Variants in PARD3B observed in about 807,000 individuals in gnomAD.
The protein encoded by PARD3B is par-3 family cell polarity regulator beta.
A neutral mutation model predicts 130.2 loss-of-function variants in PARD3B; 103 were observed. The observed-to-expected ratio is 0.79, with a 90% confidence interval of 0.67 to 0.93. The LOEUF (loss-of-function observed/expected upper bound fraction) is 0.93, where lower values mean the gene tolerates loss of function less well. Ranked by LOEUF, PARD3B falls within the 40% of genes least tolerant of loss-of-function variation. PARD3B has a pLI of 0.00. For synonymous variants in PARD3B, 583 were observed against 553.2 expected, an observed-to-expected ratio of 1.05 and a Z score of -0.76; for missense variants, 1,609 against 1,499.2, an observed-to-expected ratio of 1.07 and a Z score of -1.21.
intron 2 of PARD3B, among the ~76,000 whole-genome samples, chr2:204,785,666 C>T (rs17450826): frequency 0.038 from 5,801 of 152,226 alleles, 158 homozygotes; most frequent in African/African-American, 0.07. Flanking sequence ...TTATTTTATC[C>T]CAGTCACTTG....
intron 18 of PARD3B, among the ~76,000 whole-genome samples, chr2:205,355,173 G>C (rs889470564): frequency 1.3e-5 from 2 of 152,126 alleles, no homozygotes; most frequent in Admixed American, 6.5e-5. Context: ...GTCGTGAAAG[G>C]CTTTATCATT....
chr2:205,343,842 C>A (rs563074257), intron 18 of PARD3B, among the ~76,000 whole-genome samples: 68 of 152,152 alleles, frequency 4.5e-4, no homozygotes, highest in African/African-American at 1.4e-3. Context: ...ACCCTCACCC[C>A]CTATGCCTGA....
chr2:204,852,211 T>C (rs1403442908), intron 2 of PARD3B, among the ~76,000 whole-genome samples: 2 of 152,050 alleles, frequency 1.3e-5, no homozygotes, highest in African/African-American at 2.4e-5. Flanking sequence ...TTCTTAATAG[T>C]GTTTTAGGCG....
At chr2:204,571,931 G>A (rs1216850329) in intron 1 of PARD3B, among the ~76,000 whole-genome samples, 7 of 152,136 alleles carry the variant, frequency 4.6e-5, no homozygotes, top group Non-Finnish European at 1.0e-4. Flanking sequence ...TGACTTAAAA[G>A]GTCAATCACA....
chr2:205,158,891 G>C lies in PARD3B; in HGVS notation c.1604G>C (p.Gly535Ala). Residue 535 changes from glycine to alanine, a missense_variant, in exon 11 of 23, where the codon GGA (glycine) becomes GCA (alanine). Transcript: ENST00000406610. The surrounding 1 kb of genome is among the most constrained non-coding windows in gnomAD (Gnocchi z 5.4). ...LGIFIKSIIH[G>A]GAAFKDGRLR... ...ATTTTTATCAAATCCATCATTCATGGAGGCGCTGCTTTTAAGGTGGGTAGG... is the reference window on the plus strand; with the variant it reads ...ATTTTTATCAAATCCATCATTCATGCAGGCGCTGCTTTTAAGGTGGGTAGG... The C allele has an allele frequency of 6.2e-7, 1 of 1,613,892 alleles. No individual in the cohort carries two copies. Among genetic ancestry groups the C allele is most frequent in the Non-Finnish European group, 8.5e-7 (1 of 1,180,008 alleles).
intron 2 of PARD3B, among the ~76,000 whole-genome samples, chr2:204,927,044 A>G (rs1031189610): frequency 6.6e-6 from 1 of 152,104 alleles, no homozygotes; most frequent in African/African-American, 2.4e-5. Context: ...AAATCCAAAG[A>G]TGGGATTAGA....
intron 5 of PARD3B, among the ~76,000 whole-genome samples, chr2:205,113,003 G>A (rs1703749631): frequency 6.6e-6 from 1 of 152,150 alleles, no homozygotes; most frequent in Non-Finnish European, 1.5e-5. Context: ...TGGCTTCACA[G>A]CCATTATAAC....
At chr2:205,559,472 G>A (rs1389291266) in intron 22 of PARD3B, among the ~76,000 whole-genome samples, 1 of 151,982 alleles carries the variant, frequency 6.6e-6, no homozygotes, top group African/African-American at 2.4e-5. Context: ...TATATACAAG[G>A]AAGTTATGGG....
At chr2:205,000,863 C>T (rs959728539) in intron 3 of PARD3B, among the ~76,000 whole-genome samples, 1 of 152,130 alleles carries the variant, frequency 6.6e-6, no homozygotes, top group Non-Finnish European at 1.5e-5. Context: ...CTGAGACATG[C>T]TTTGCATAAC....
At chr2:205,026,746 T>C (rs1697061229) in intron 3 of PARD3B, among the ~76,000 whole-genome samples, 1 of 152,180 alleles carries the variant, frequency 6.6e-6, no homozygotes, top group African/African-American at 2.4e-5. Flanking sequence ...TTAAACTGTT[T>C]TAGATTCTGC....
intron 1 of PARD3B, among the ~76,000 whole-genome samples, chr2:204,601,296 C>T (rs1378557832): frequency 2.6e-5 from 4 of 151,856 alleles, no homozygotes; most frequent in African/African-American, 9.7e-5. Flanking sequence ...AGGTAATTAA[C>T]CTACATGAAT....
At chr2:205,588,083 A>G (rs186132924) in intron 22 of PARD3B, among the ~76,000 whole-genome samples, 26 of 152,314 alleles carry the variant, frequency 1.7e-4, no homozygotes, top group African/African-American at 6.0e-4. Context: ...GAAATATACA[A>G]CTGAGGAGAA....
intron 2 of PARD3B, among the ~76,000 whole-genome samples, chr2:204,877,389 A>C (rs2045885788): frequency 6.6e-6 from 1 of 152,164 alleles, no homozygotes; most frequent in African/African-American, 2.4e-5. Flanking sequence ...TAGAACTTAA[A>C]GTATAATAAA....
chr2:205,557,540 A>G (rs2106510452), intron 22 of PARD3B, among the ~76,000 whole-genome samples: 1 of 152,292 alleles, frequency 6.6e-6, no homozygotes, highest in Non-Finnish European at 1.5e-5. Flanking sequence ...TCAGGCCATG[A>G]TTATAGCCCC....
intron 20 of PARD3B, among the ~76,000 whole-genome samples, chr2:205,465,368 G>A (rs116962218): frequency 2.6e-5 from 4 of 152,118 alleles, no homozygotes; most frequent in East Asian, 3.9e-4. Context: ...AGGAACTGGC[G>A]CGATATTATC....
chr2:205,540,555 T>C lies in PARD3B; in HGVS notation c.3181-12769T>C, dbSNP rs558691036. On this transcript the variant is annotated intron_variant, in intron 21 of 22. Coordinates refer to ENST00000406610, the MANE Select transcript of PARD3B (RefSeq NM_001302769.2). ...GACAGGTTTTTGAGACTGAAAACAA[T>C]GACAAAGCAAATTCTACCCAGGGTT... 2.6e-5 allele frequency among the ~76,000 whole-genome samples: 4 copies of C among 152,300 alleles called. No homozygotes were observed. The South Asian group carries it at 8.3e-4, about 32-fold the overall frequency.
intron 1 of PARD3B, among the ~76,000 whole-genome samples, chr2:204,594,585 T>A (rs994228590): frequency 1.3e-5 from 2 of 152,214 alleles, no homozygotes; most frequent in Non-Finnish European, 2.9e-5. Flanking sequence ...AGCATTCTTA[T>A]TTGGCATCCC....
At chr2:205,174,717 CATTAT>C (rs1307740071) in intron 12 of PARD3B, among the ~76,000 whole-genome samples, 1 of 152,176 alleles carries the variant, frequency 6.6e-6, no homozygotes, top group Non-Finnish European at 1.5e-5. Flanking sequence ...GTTGCTTGAA[CATTAT>C]ATTGATATCT....
At chr2:205,451,192 GC>G (rs2048090450) in intron 20 of PARD3B, among the ~76,000 whole-genome samples, 2 of 152,160 alleles carry the variant, frequency 1.3e-5, no homozygotes, top group Non-Finnish European at 2.9e-5. Context: ...TTCCAAGATG[GC>G]CGTAGCCACT....
Sources: allele counts gnomAD v4.1 joint callset (sites outside exome capture counted in the v4.1 genomes callset), GRCh38; gene constraint gnomAD v4.1.1; non-coding constraint Gnocchi (gnomAD v3.1); transcripts MANE v1.5; gene names NCBI Gene and HGNC (gene_info 2026-07-23, HGNC 2026-07-21).